Variants in TAFA1 observed in about 807,000 individuals in gnomAD.
TAFA1 encodes the protein chemokine-like protein TAFA-1.
TAFA1 carries 4 observed loss-of-function variants against 18.5 expected under a neutral mutation model. The ratio of observed to expected loss-of-function variants is 0.22; its 90% CI spans 0.11 to 0.49. The LOEUF (loss-of-function observed/expected upper bound fraction) is 0.49. TAFA1 is among the 20% of genes least tolerant of loss of function. The pLI is 0.98. For synonymous variants in TAFA1, 56 were observed against 55.2 expected, an observed-to-expected ratio of 1.01 and a Z score of -0.06; for missense variants, 147 against 169.0, an observed-to-expected ratio of 0.87 and a Z score of 0.72.
At chr3:68,274,759 T>C (rs951770484) in intron 2 of TAFA1, among the ~76,000 whole-genome samples, 1 of 152,206 alleles carries the variant, frequency 6.6e-6, no homozygotes, top group South Asian at 2.1e-4. Flanking sequence ...CTAGCATGTG[T>C]ATCATTAGCC....
At chr3:68,166,096 A>G (rs965111469) in intron 2 of TAFA1, among the ~76,000 whole-genome samples, 2 of 104,566 alleles carry the variant, frequency 1.9e-5, no homozygotes, top group African/African-American at 3.0e-5. Context: ...TCATAGAGGT[A>G]TGAAAGAGCA....
chr3:68,244,511 T>C (rs528489510), intron 2 of TAFA1, among the ~76,000 whole-genome samples: 4 of 152,324 alleles, frequency 2.6e-5, no homozygotes, highest in Non-Finnish European at 5.9e-5. Flanking sequence ...AAAAAGATTA[T>C]GTCTCCCCTA....
chr3:68,245,402 G>T (rs2067059361), intron 2 of TAFA1, among the ~76,000 whole-genome samples: 1 of 152,056 alleles, frequency 6.6e-6, no homozygotes, highest in African/African-American at 2.4e-5. Flanking sequence ...ATCTTGATAA[G>T]CTATTTTCCC....
chr3:68,263,859 A>G (rs2067487033), intron 2 of TAFA1, among the ~76,000 whole-genome samples: 1 of 152,224 alleles, frequency 6.6e-6, no homozygotes, highest in African/African-American at 2.4e-5. Flanking sequence ...TATTTAGACA[A>G]ACATTGATTT....
intron 2 of TAFA1, among the ~76,000 whole-genome samples, chr3:68,114,215 C>T (rs1004894801): frequency 6.6e-6 from 1 of 152,080 alleles, no homozygotes; most frequent in African/African-American, 2.4e-5. Context: ...CCCACAGCCC[C>T]ATCCTAAGCT....
chr3:68,248,099 C>G (rs1160838492), intron 2 of TAFA1, among the ~76,000 whole-genome samples: 1 of 152,156 alleles, frequency 6.6e-6, no homozygotes, highest in African/African-American at 2.4e-5. Context: ...AAGGTTTAGA[C>G]TTTGAGAATA....
In TAFA1 at chr3:68,413,072, A is replaced by G. The variant is rs372153007; in HGVS notation, c.119-4208A>G. 2.0e-5 allele frequency among the ~76,000 whole-genome samples: 3 copies of G among 152,140 alleles called. No individual in the cohort carries two copies. The East Asian group carries it at 5.8e-4, about 29-fold the overall frequency. On this transcript the variant is annotated intron_variant, in intron 2 of 4. Transcript: ENST00000478136. ...TGACTTTTTAATGATCACCATTCTA[A>G]CTGGTGTGAGATGGTATCTCATTGT...
intron 2 of TAFA1, among the ~76,000 whole-genome samples, chr3:68,236,531 G>C (rs563111798): frequency 6.6e-6 from 1 of 152,166 alleles, no homozygotes; most frequent in Non-Finnish European, 1.5e-5. Context: ...AGGTACTAAT[G>C]AACTGAACCT....
chr3:68,175,276 C>G (rs1197373987), intron 2 of TAFA1, among the ~76,000 whole-genome samples: 1 of 152,198 alleles, frequency 6.6e-6, no homozygotes, highest in Non-Finnish European at 1.5e-5. Context: ...GGGGCGCTGC[C>G]TAGTGGAGCT....
intron 2 of TAFA1, among the ~76,000 whole-genome samples, chr3:68,090,240 G>A (rs1317816991): frequency 6.6e-6 from 1 of 152,104 alleles, no homozygotes; most frequent in Non-Finnish European, 1.5e-5. Flanking sequence ...CTGTCTTTTA[G>A]AATCAAACAT....
At chr3:68,114,271 C>G (rs939823879) in intron 2 of TAFA1, among the ~76,000 whole-genome samples, 2 of 152,044 alleles carry the variant, frequency 1.3e-5, no homozygotes, top group Admixed American at 1.3e-4. Context: ...GACCATCCAG[C>G]CCCCATTCAG....
rs576712147 is a variant in TAFA1, at chr3:68,263,453, A to ACG, written c.119-153826_119-153825insGC. 3.7e-3 allele frequency among the ~76,000 whole-genome samples: 551 copies of ACG among 150,304 alleles called. 5 individuals are homozygous for ACG. Among genetic ancestry groups the ACG allele is most frequent in the South Asian group, 0.024 (113 of 4,666 alleles). ...ACTTTAACCACACACACATACACAC[A>ACG]CACACACACACACACACACACACAC... is the stretch of plus-strand genomic sequence containing the variant. On this transcript the variant is annotated intron_variant, in intron 2 of 4. Transcript: ENST00000478136.
intron 2 of TAFA1, among the ~76,000 whole-genome samples, chr3:68,119,118 A>G (rs563881154): frequency 6.6e-6 from 1 of 151,770 alleles, no homozygotes; most frequent in East Asian, 1.9e-4. Context: ...TTGCATTTCC[A>G]TAATGATTAC....
At chr3:68,272,691 G>A (rs1024358207) in intron 2 of TAFA1, among the ~76,000 whole-genome samples, 5 of 152,038 alleles carry the variant, frequency 3.3e-5, no homozygotes, top group African/African-American at 1.2e-4. Context: ...TATTCAAATA[G>A]GATCTAAAAT....
At chr3:68,176,180 G>T (rs1408035227) in intron 2 of TAFA1, among the ~76,000 whole-genome samples, 1 of 152,118 alleles carries the variant, frequency 6.6e-6, no homozygotes, top group Non-Finnish European at 1.5e-5. Flanking sequence ...ACTAATACAT[G>T]AATATAAATA....
chr3:68,462,655 T>C (rs1341104779), intron 3 of TAFA1, among the ~76,000 whole-genome samples: 1 of 152,224 alleles, frequency 6.6e-6, no homozygotes, highest in Non-Finnish European at 1.5e-5. Context: ...ATCTGATTAC[T>C]ACTAGTTTTG....
chr3:68,083,060 C>T (rs904700908), intron 2 of TAFA1, among the ~76,000 whole-genome samples: 1 of 152,154 alleles, frequency 6.6e-6, no homozygotes, highest in East Asian at 1.9e-4. Flanking sequence ...AAGATCACAG[C>T]CTTCCATTTC....
At chr3:68,063,322 G>A (rs1028970452) in intron 2 of TAFA1, among the ~76,000 whole-genome samples, 1 of 152,060 alleles carries the variant, frequency 6.6e-6, no homozygotes, top group Non-Finnish European at 1.5e-5. Flanking sequence ...GCTAACGGTG[G>A]GTCTCATCTT....
intron 2 of TAFA1, among the ~76,000 whole-genome samples, chr3:68,349,208 T>G (rs1478763807): frequency 1.3e-5 from 2 of 151,490 alleles, no homozygotes; most frequent in Non-Finnish European, 2.9e-5. Flanking sequence ...TTTGGGGGGG[T>G]TTGGCTTGGA....
Sources: gnomAD v4.1 joint callset for allele counts (sites outside exome capture counted in the v4.1 genomes callset) on GRCh38, gnomAD v4.1.1 for gene constraint, MANE v1.5 for transcripts, NCBI Gene and HGNC (gene_info 2026-07-23, HGNC 2026-07-21) for gene names.